Variants in PCDHA13 observed in about 807,000 individuals in gnomAD.
PCDHA13 encodes protocadherin alpha 13.
In PCDHA13, 54 loss-of-function variants were observed where a neutral mutation model predicts 64.8. The observed-to-expected ratio is 0.83, with a 90% confidence interval of 0.67 to 1.04. The LOEUF is 1.04. PCDHA13 is among the 50% of genes least tolerant of loss of function. The pLI is 0.00. For missense variants in PCDHA13, 1,248 were observed against 1,254.3 expected (o/e 0.99, Z 0.08); for synonymous variants, 587 against 564.4 (o/e 1.04, Z -0.57).
chr5:140,981,582 A>C (rs2096939117), intron 2 of PCDHA13, among the ~76,000 whole-genome samples: 1 of 152,182 alleles, frequency 6.6e-6, no homozygotes, highest in African/African-American at 2.4e-5. Flanking sequence ...TCAAAAATAA[A>C]TAAAATAAAA....
chr5:140,885,509 T>C (rs1020233501), intron 1 of PCDHA13, among the ~76,000 whole-genome samples: 36 of 152,208 alleles, frequency 2.4e-4, no homozygotes, highest in Admixed American at 1.4e-3. Flanking sequence ...TGAACCATGC[T>C]GTGCTATCAT....
intron 1 of PCDHA13, among the ~76,000 whole-genome samples, chr5:140,941,795 T>G (rs1175900170): frequency 5.9e-5 from 9 of 152,226 alleles, no homozygotes; most frequent in Admixed American, 2.6e-4. Flanking sequence ...CCAAGAATAT[T>G]TAGTTGATTT....
At position 140,969,258 on chromosome 5, in the gene PCDHA13, A is replaced by T. The variant is rs782513796; in HGVS notation, c.2395-9691A>T. ...CAAGCAGCAGTGACTGACAGCAGGA[A>T]TCTCACAGGCCAAAGTGGTCAGAAT... On this transcript the variant is annotated intron_variant, in intron 1 of 3. Transcript: ENST00000289272. The T allele has an allele frequency of 3.7e-6, 6 of 1,614,106 alleles. No homozygotes were observed. The East Asian group carries it at 1.3e-4, about 36-fold the overall frequency.
At chr5:140,969,761 T>C (rs886878870) in intron 1 of PCDHA13, among the ~76,000 whole-genome samples, 1 of 152,234 alleles carries the variant, frequency 6.6e-6, no homozygotes, top group African/African-American at 2.4e-5. Flanking sequence ...TAAAAAGCTC[T>C]GAGGCCTCTA....
At position 141,009,622 on chromosome 5, in the gene PCDHA13, T is replaced by C. The variant is rs782517998; in HGVS notation, c.2543-5T>C. On this transcript the variant is annotated splice_region_variant and splice_polypyrimidine_tract_variant and intron_variant, in intron 3 of 3. Coordinates refer to ENST00000289272, the MANE Select transcript of PCDHA13 (RefSeq NM_018904.3). ...GTTAATGATTTGTAATGTTTTGTCT[T>C]TCAGAACCAGAGGCAGGAGAAGTGT... is the stretch of plus-strand genomic sequence containing the variant. 6.2e-7 allele frequency: 1 copy of C among 1,612,598 alleles called. No homozygotes were observed.
At chr5:140,950,082 A>G (rs2094448240) in intron 1 of PCDHA13, among the ~76,000 whole-genome samples, 1 of 151,916 alleles carries the variant, frequency 6.6e-6, no homozygotes, top group South Asian at 2.1e-4. Flanking sequence ...TGCTTATGCT[A>G]TAGTTTTCAT....
rs1237134609 is a variant in PCDHA13 at position 141,011,353 on chromosome 5, A to T, written c.*1416A>T. 6.5e-6 allele frequency: 1 copy of T among 153,692 alleles called. No homozygotes were observed. The highest frequency in any genetic ancestry group is 1.5e-5 in the Non-Finnish European group (1 of 68,032). The allele number at this position is 153,692 out of a possible 1,614,324, so 9.5% of individuals were successfully genotyped here. On this transcript the variant is annotated 3_prime_UTR_variant, in exon 4 of 4. Coordinates refer to ENST00000289272, the MANE Select transcript of PCDHA13 (RefSeq NM_018904.3). ...ATGTTACCTGAAATCAATCTCCCAT[A>T]TGTATGCTGTATGCTATGCTAAGAC...
intron 1 of PCDHA13, among the ~76,000 whole-genome samples, chr5:140,940,939 C>T (rs930086780): frequency 2.0e-5 from 3 of 152,154 alleles, no homozygotes; most frequent in African/African-American, 2.4e-5. Context: ...ACTTAGACTA[C>T]GTATTCTCAG....
At position 140,882,319 on chromosome 5, in the gene PCDHA13, G is replaced by A; in HGVS notation, c.51G>A (p.Trp17Ter). The change falls in exon 1 of 4, where the codon TGG (tryptophan) becomes TGA (stop). Residue 17 changes from tryptophan (W) to a stop codon, truncating the protein, a stop_gained. Coordinates refer to ENST00000289272, the MANE Select transcript of PCDHA13 (RefSeq NM_018904.3). LOFTEE classifies it high-confidence loss of function. ...CAAGACCGCGGCAACTACTGCTCTG[G>A]CTTCTGATCCTCGCAGCCTGGGAGA... The part of the protein sequence containing the change: ...GGPRPRQLLL[W>*]LLILAAWETG... 1 of 1,614,136 alleles carries A rather than the reference G, an allele frequency of 6.2e-7. No homozygotes were observed. Among genetic ancestry groups the A allele is most frequent in the Admixed American group, 1.7e-5 (1 of 60,018 alleles).
At chr5:140,926,281 T>A (rs2083071196) in intron 1 of PCDHA13, 1 of 152,306 alleles carries the variant, frequency 6.6e-6, no homozygotes, top group African/African-American at 2.4e-5. Context: ...GCTCGGCAGC[T>A]CCACGCTGAG....
intron 1 of PCDHA13, among the ~76,000 whole-genome samples, chr5:140,951,625 A>T (rs2094607568): frequency 6.6e-6 from 1 of 152,114 alleles, no homozygotes; most frequent in African/African-American, 2.4e-5. Flanking sequence ...CAAGGGGGAA[A>T]CCTGCCCCAT....
chr5:140,946,527 G>A (rs1414920308), intron 1 of PCDHA13, among the ~76,000 whole-genome samples: 1 of 150,718 alleles, frequency 6.6e-6, no homozygotes, highest in Non-Finnish European at 1.5e-5. Flanking sequence ...GCACTCCCAT[G>A]TTCATTGCAG....
intron 3 of PCDHA13, among the ~76,000 whole-genome samples, chr5:140,992,354 A>C (rs996986066): frequency 1.3e-5 from 2 of 152,184 alleles, no homozygotes; most frequent in Non-Finnish European, 2.9e-5. Context: ...TGGAGAGAGG[A>C]GAAAAATGGT....
At chr5:140,927,104 C>CA in intron 1 of PCDHA13, 1 of 1,613,722 alleles carries the variant, frequency 6.2e-7, no homozygotes, top group Non-Finnish European at 8.5e-7. Flanking sequence ...GTGGATCTAC[C>CA]CAGCGGCAAT....
In PCDHA13 at chr5:140,982,461, G is replaced by A. The variant is rs765899879; in HGVS notation, c.2454-14G>A. The A allele has an allele frequency of 4.7e-5, 76 of 1,614,088 alleles. No individual in the cohort carries two copies. The highest frequency in any genetic ancestry group is 5.8e-5 in the Non-Finnish European group (68 of 1,180,014). On this transcript the variant is annotated splice_polypyrimidine_tract_variant and intron_variant, in intron 2 of 3. Coordinates refer to ENST00000289272, the MANE Select transcript of PCDHA13 (RefSeq NM_018904.3). ...TATGATCTAACCGTTATCTGGGTCTGTGTGTTTATTCAGCTCTGTGCACCT... is the reference window on the plus strand; with the variant it reads ...TATGATCTAACCGTTATCTGGGTCTATGTGTTTATTCAGCTCTGTGCACCT...
chr5:140,926,181 C>T (rs1298109352), intron 1 of PCDHA13, among the ~76,000 whole-genome samples: 7 of 151,718 alleles, frequency 4.6e-5, no homozygotes, highest in Admixed American at 2.6e-4. Context: ...GCGGAAAGCC[C>T]CCCGCAGCAC....
In PCDHA13 at chr5:141,011,894, T is replaced by G. The variant is rs1303053966; in HGVS notation, c.*1957T>G. 6.5e-6 allele frequency: 1 copy of G among 153,306 alleles called. No homozygotes were observed. The highest frequency in any genetic ancestry group is 1.5e-5 in the Non-Finnish European group (1 of 68,044). The allele number at this position is 153,306 out of a possible 1,614,324, so 9.5% of individuals were successfully genotyped here. ...AATTTAGAAGTTTGATTAATTATAT[T>G]ATCTATTTAGGCATTAATATAAAAG... On this transcript the variant is annotated 3_prime_UTR_variant, in exon 4 of 4. Transcript: ENST00000289272.
chr5:140,999,537 C>G, intron 3 of PCDHA13, among the ~76,000 whole-genome samples: 1 of 152,266 alleles, frequency 6.6e-6, no homozygotes, highest in Non-Finnish European at 1.5e-5. Context: ...CTGGATATGA[C>G]AGCCAATGAA....
At chr5:140,957,289 C>T (rs1235564629) in intron 1 of PCDHA13, among the ~76,000 whole-genome samples, 1 of 152,162 alleles carries the variant, frequency 6.6e-6, no homozygotes, top group Non-Finnish European at 1.5e-5. Context: ...CCTGCAGTTT[C>T]ACTCTGAGCA....
Sources: allele counts gnomAD v4.1 joint callset (sites outside exome capture counted in the v4.1 genomes callset), GRCh38; gene constraint gnomAD v4.1.1; transcripts MANE v1.5; gene names NCBI Gene and HGNC (gene_info 2026-07-23, HGNC 2026-07-21).